BAZ2B: variants seen among roughly 807,000 people sequenced by gnomAD.
The protein encoded by BAZ2B is bromodomain adjacent to zinc finger domain protein 2B.
Under a neutral mutation model 246.0 loss-of-function variants are expected in BAZ2B, and 91 were observed. That is an observed-to-expected ratio of 0.37 (90% CI 0.31 to 0.44). BAZ2B has a LOEUF of 0.44. Among genes scored for constraint, BAZ2B ranks in the 20% least tolerant of loss-of-function variants. The pLI is 1.00. For missense variants in BAZ2B, 2,332 were observed against 2,533.7 expected (o/e 0.92, Z 1.71); for synonymous variants, 855 against 860.0 (o/e 0.99, Z 0.10).
At chr2:159,482,051 G>T (rs2079291585) in intron 2 of BAZ2B, among the ~76,000 whole-genome samples, 1 of 151,468 alleles carries the variant, frequency 6.6e-6, no homozygotes, top group Admixed American at 6.6e-5. Flanking sequence ...TAACATTAGG[G>T]GAAGCTGGAT....
intron 13 of BAZ2B, among the ~76,000 whole-genome samples, chr2:159,413,782 C>T (rs2067203884): frequency 6.6e-6 from 1 of 152,070 alleles, no homozygotes; most frequent in Non-Finnish European, 1.5e-5. Context: ...AAAATCTGAG[C>T]AATGACTGAG....
the BAZ2B span, among the ~76,000 whole-genome samples, chr2:159,640,792 G>A: frequency 1.3e-5 from 2 of 150,024 alleles, no homozygotes; most frequent in Non-Finnish European, 1.5e-5. Context: ...TAAAGAACTG[G>A]AAAAGCTCAG....
rs535678795 is a variant in BAZ2B, at chr2:159,586,775, T to C, written c.-46+29467A>G. ...AAAACATATTGAAAAATTAAAATTATTCCATATAGAATATACTTAGGCTTG... is the reference window on the plus strand; with the variant it reads ...AAAACATATTGAAAAATTAAAATTACTCCATATAGAATATACTTAGGCTTG... On this transcript the variant is annotated intron_variant, in intron 1 of 36. Transcript: ENST00000392783. 1.2e-3 allele frequency among the ~76,000 whole-genome samples: 183 copies of C among 152,148 alleles called. 1 individual carries two copies. The highest frequency in any genetic ancestry group is 1.7e-3 in the South Asian group (8 of 4,822).
intron 3 of BAZ2B, chr2:159,459,682 A>G (rs1276765328): frequency 6.6e-6 from 1 of 152,216 alleles, no homozygotes; most frequent in Non-Finnish European, 1.5e-5. Flanking sequence ...TTAATAAAAA[A>G]GCAGAAAGAT....
rs569080303 is a variant in BAZ2B, at chr2:159,352,232, A to G, written c.4214-1875T>C. Among the ~76,000 whole-genome samples, 4 of 152,188 alleles carry G rather than the reference A, an allele frequency of 2.6e-5. No individual in the cohort carries two copies. The South Asian group carries it at 8.3e-4, about 32-fold the overall frequency. The stretch of plus-strand genomic sequence containing the variant: ...CCCTTGATCTTGTTCTTCCCTCTGC[A>G]TGGGATACTGTTTTGTTGACTGGCT... On this transcript the variant is annotated intron_variant, in intron 27 of 36. Coordinates refer to ENST00000392783, the MANE Select transcript of BAZ2B (RefSeq NM_013450.4).
At chr2:159,384,911 A>G (rs2062446973) in intron 23 of BAZ2B, among the ~76,000 whole-genome samples, 1 of 152,180 alleles carries the variant, frequency 6.6e-6, no homozygotes, top group African/African-American at 2.4e-5. Flanking sequence ...ATTAAACAAA[A>G]CAGGTGACAA....
intron 32 of BAZ2B, 199 bp downstream of exon 32, chr2:159,337,368 C>T: frequency 1.5e-6 from 2 of 1,341,446 alleles, no homozygotes; most frequent in Non-Finnish European, 1.0e-6. Context: ...GGATCACAGA[C>T]ATACAAGAAG....
intron 14 of BAZ2B, 112 bp downstream of exon 14, chr2:159,412,223 A>G (rs1301893755): frequency 8.1e-6 from 9 of 1,117,020 alleles, no homozygotes; most frequent in Non-Finnish European, 9.0e-6. Flanking sequence ...TAACACAACT[A>G]TTTACTTTTT....
upstream of BAZ2B, among the ~76,000 whole-genome samples, chr2:159,620,068 T>C (rs1464030541): frequency 6.6e-6 from 1 of 152,240 alleles, no homozygotes; most frequent in African/African-American, 2.4e-5. Context: ...TGTTGCACTT[T>C]CTTCTGTAAA....
chr2:159,371,421 G>T (rs2060836011), intron 27 of BAZ2B, among the ~76,000 whole-genome samples: 1 of 152,200 alleles, frequency 6.6e-6, no homozygotes, highest in South Asian at 2.1e-4. Flanking sequence ...TGGGATTAAA[G>T]GTGTGAGCCA....
At chr2:159,640,836 A>C in the BAZ2B span, among the ~76,000 whole-genome samples, 1 of 151,986 alleles carries the variant, frequency 6.6e-6, no homozygotes. Context: ...TTAAAAAAAA[A>C]ACTAGAAAAG....
chr2:159,529,107 TATA>T (rs1318033984), intron 2 of BAZ2B, among the ~76,000 whole-genome samples: 2 of 151,922 alleles, frequency 1.3e-5, no homozygotes, highest in Admixed American at 6.6e-5. Flanking sequence ...GAACTTAAAG[TATA>T]ATAAGTAAAA....
At chr2:159,342,039 T>C (rs1575784687) in intron 31 of BAZ2B, among the ~76,000 whole-genome samples, 1 of 152,022 alleles carries the variant, frequency 6.6e-6, no homozygotes, top group Non-Finnish European at 1.5e-5. Context: ...ATAAACCAAA[T>C]TGAGACAAAA....
chr2:159,339,950 T>A (rs2112113), intron 31 of BAZ2B, among the ~76,000 whole-genome samples: 41,063 of 151,762 alleles, frequency 0.27, 6,400 homozygotes, highest in East Asian at 0.6. Context: ...GTAAGAGAAA[T>A]TGACTAATGG....
intron 2 of BAZ2B, among the ~76,000 whole-genome samples, chr2:159,491,508 C>A (rs2080460024): frequency 6.6e-6 from 1 of 151,154 alleles, no homozygotes; most frequent in African/African-American, 2.4e-5. Context: ...ATCACGAGGT[C>A]AGGAGATCGA....
chr2:159,645,351 C>T, the BAZ2B span, among the ~76,000 whole-genome samples: 10,219 of 151,852 alleles, frequency 0.067, 433 homozygotes, highest in Middle Eastern at 0.18. Flanking sequence ...CTAACCTTTT[C>T]GGCACCAGGG....
the BAZ2B span, among the ~76,000 whole-genome samples, chr2:159,645,208 G>A: frequency 6.6e-6 from 1 of 152,072 alleles, no homozygotes; most frequent in Non-Finnish European, 1.5e-5. Context: ...GGAGGTAAAG[G>A]TTGCAGTGAG....
chr2:159,578,931 A>G (rs1686033901), intron 1 of BAZ2B, among the ~76,000 whole-genome samples: 1 of 152,236 alleles, frequency 6.6e-6, no homozygotes, highest in African/African-American at 2.4e-5. Flanking sequence ...AGCAGTGTGT[A>G]GAGGGAAATT....
At chr2:159,325,494 A>G (rs1221583516) in intron 35 of BAZ2B, among the ~76,000 whole-genome samples, 159 bp downstream of exon 35, 1 of 152,016 alleles carries the variant, frequency 6.6e-6, no homozygotes, top group East Asian at 1.9e-4. Flanking sequence ...AAAGGAATAC[A>G]TTTACTATAC....
Sources: allele counts gnomAD v4.1 joint callset (sites outside exome capture counted in the v4.1 genomes callset), GRCh38; gene constraint gnomAD v4.1.1; transcripts MANE v1.5; gene names NCBI Gene and HGNC (gene_info 2026-07-23, HGNC 2026-07-21).